DAP3: variants seen among roughly 807,000 people sequenced by gnomAD.
The protein encoded by DAP3 is small ribosomal subunit protein mS29.
A neutral mutation model predicts 51.9 loss-of-function variants in DAP3; 28 were observed. That is an observed-to-expected ratio of 0.54 (90% CI 0.40 to 0.74). The LOEUF (loss-of-function observed/expected upper bound fraction) is 0.74. Ranked by LOEUF, DAP3 falls within the 30% of genes least tolerant of loss-of-function variation. The pLI is 0.00. For missense variants in DAP3, 458 were observed against 483.5 expected (o/e 0.95, Z 0.49); for synonymous variants, 170 against 170.3 (o/e 1.00, Z 0.01).
At chr1:155,704,681 G>A (rs886379220) in intron 1 of DAP3, among the ~76,000 whole-genome samples, 14 of 152,208 alleles carry the variant, frequency 9.2e-5, no homozygotes, top group South Asian at 6.2e-4. Context: ...GTGCTTTGGC[G>A]TCTTCATTAA....
chr1:155,721,771 A>G (rs1434684926), intron 4 of DAP3, 153 bp downstream of exon 4: 2 of 664,428 alleles, frequency 3.0e-6, no homozygotes, highest in Middle Eastern at 3.8e-4. Flanking sequence ...GACTAGTACA[A>G]TTACTTTAAG....
Position 155,738,727 on chromosome 1 carries a change from T to G in DAP3, c.*485T>G, listed in dbSNP as rs1660036066. 6.5e-6 allele frequency: 1 copy of G among 152,676 alleles called. No individual in the cohort carries two copies. Among genetic ancestry groups the G allele is most frequent in the Non-Finnish European group, 1.5e-5 (1 of 68,438 alleles). 9.5% of individuals were successfully genotyped at this position (152,676 alleles called of 1,614,324 possible). ...TGGCTCATGCCTGTAATCCCAGCAC[T>G]TTGGAAGCCCAAGGCGGGCAGACTG... On this transcript the variant is annotated 3_prime_UTR_variant, in exon 13 of 13. Coordinates refer to ENST00000368336, the MANE Select transcript of DAP3 (RefSeq NM_004632.4).
At chr1:155,700,595 C>T (rs1489845055) in intron 1 of DAP3, among the ~76,000 whole-genome samples, 4 of 148,642 alleles carry the variant, frequency 2.7e-5, no homozygotes, top group South Asian at 2.1e-4. Context: ...CCCGGCCAGC[C>T]GCCCCGTCCG....
At chr1:155,713,113 C>T (rs557728095) in intron 2 of DAP3, among the ~76,000 whole-genome samples, 1 of 152,246 alleles carries the variant, frequency 6.6e-6, no homozygotes, top group South Asian at 2.1e-4. Flanking sequence ...AGTTTACCTT[C>T]TTGGGATACA....
upstream of DAP3, chr1:155,687,976 A>G (rs1192632988): frequency 8.1e-6 from 11 of 1,359,698 alleles, no homozygotes; most frequent in South Asian, 7.1e-5. Context: ...CCAGAGGTCC[A>G]GGTCCGGGAG....
intron 1 of DAP3, among the ~76,000 whole-genome samples, chr1:155,705,822 T>A (rs1320232288): frequency 2.6e-5 from 4 of 152,050 alleles, no homozygotes; most frequent in Non-Finnish European, 5.9e-5. Flanking sequence ...CGCCTCAGCC[T>A]CCTGAGTAGC....
intron 11 of DAP3, among the ~76,000 whole-genome samples, chr1:155,734,355 T>A (rs925301902): frequency 1.3e-5 from 2 of 151,972 alleles, no homozygotes; most frequent in African/African-American, 4.8e-5. Flanking sequence ...TTTTTTTTTT[T>A]AGAGGCATGG....
chr1:155,734,085 A>G (rs922902093), intron 11 of DAP3, among the ~76,000 whole-genome samples: 1 of 152,096 alleles, frequency 6.6e-6, no homozygotes, highest in African/African-American at 2.4e-5. Flanking sequence ...TGAGCCCGGG[A>G]GGTCAAGGCT....
upstream of DAP3, chr1:155,688,438 T>TC: frequency 1.9e-6 from 3 of 1,547,410 alleles, no homozygotes; most frequent in Non-Finnish European, 2.6e-6. Context: ...TTCCCCACGG[T>TC]CCCCCGCTTC....
chr1:155,723,854 C>A (rs962798841), intron 4 of DAP3, among the ~76,000 whole-genome samples: 1 of 152,068 alleles, frequency 6.6e-6, no homozygotes, highest in African/African-American at 2.4e-5. Context: ...GCCTGGCCAA[C>A]ATGGTGAAAC....
chr1:155,688,783 C>G (rs1653171422), upstream of DAP3: 2 of 1,540,050 alleles, frequency 1.3e-6, no homozygotes, highest in Admixed American at 4.1e-5. Context: ...ACACTCCTCG[C>G]GCGTGCGCCT....
intron 2 of DAP3, among the ~76,000 whole-genome samples, chr1:155,711,228 C>T (rs1425950620): frequency 6.6e-6 from 1 of 152,196 alleles, no homozygotes; most frequent in Non-Finnish European, 1.5e-5. Flanking sequence ...CACAGTAGCT[C>T]ATGCCTGTAA....
intron 9 of DAP3, among the ~76,000 whole-genome samples, chr1:155,730,219 A>T (rs1277607752): frequency 2.0e-5 from 3 of 148,398 alleles, no homozygotes; most frequent in Non-Finnish European, 4.5e-5. Flanking sequence ...TGTATATATA[A>T]TATTCATATA....
intron 12 of DAP3, among the ~76,000 whole-genome samples, chr1:155,737,776 A>C (rs1308238151): frequency 6.6e-6 from 1 of 151,970 alleles, no homozygotes; most frequent in Admixed American, 6.6e-5. Context: ...AAAAGCAAAA[A>C]AAAAAAAATA....
chr1:155,711,170 C>T (rs1656647311), intron 2 of DAP3, among the ~76,000 whole-genome samples: 1 of 151,968 alleles, frequency 6.6e-6, no homozygotes, highest in African/African-American at 2.4e-5. Flanking sequence ...ATTCTGGACT[C>T]AACTGATCAT....
upstream of DAP3, chr1:155,687,968 A>C: frequency 1.5e-6 from 2 of 1,302,390 alleles, no homozygotes; most frequent in Admixed American, 2.5e-5. Flanking sequence ...CTGCTCTCCC[A>C]GAGGTCCAGG....
chr1:155,704,745 T>G (rs6663016), intron 1 of DAP3, among the ~76,000 whole-genome samples: 1 of 152,126 alleles, frequency 6.6e-6, no homozygotes, highest in Non-Finnish European at 1.5e-5. Context: ...TTTGGGGGGC[T>G]GAGGCGGGAG....
intron 1 of DAP3, among the ~76,000 whole-genome samples, chr1:155,708,429 A>G (rs1656258361): frequency 2.6e-5 from 4 of 152,046 alleles, no homozygotes; most frequent in Admixed American, 2.6e-4. Flanking sequence ...TTGCAAAGAT[A>G]GTGTATTTAT....
intron 4 of DAP3, among the ~76,000 whole-genome samples, chr1:155,722,579 C>G (rs1170609244): frequency 6.6e-6 from 1 of 152,036 alleles, no homozygotes; most frequent in Admixed American, 6.6e-5. Context: ...GGGCAACCCT[C>G]TCGGGTCCCC....
Sources: allele counts gnomAD v4.1 joint callset (sites outside exome capture counted in the v4.1 genomes callset), GRCh38; gene constraint gnomAD v4.1.1; transcripts MANE v1.5; gene names NCBI Gene and HGNC (gene_info 2026-07-23, HGNC 2026-07-21).